Variants in COL18A1 observed in about 807,000 individuals in gnomAD.
COL18A1 encodes the protein collagen alpha-1(XVIII) chain.
COL18A1 carries 133 observed loss-of-function variants against 168.0 expected under a neutral mutation model. That is an observed-to-expected ratio of 0.79 (90% CI 0.69 to 0.91). The LOEUF (loss-of-function observed/expected upper bound fraction) is 0.91. Among genes scored for constraint, COL18A1 ranks in the 40% least tolerant of loss-of-function variants. COL18A1 has a pLI of 0.00. For synonymous variants in COL18A1, 949 were observed against 809.0 expected, an observed-to-expected ratio of 1.17 and a Z score of -2.94; for missense variants, 2,126 against 1,925.4, an observed-to-expected ratio of 1.10 and a Z score of -1.95.
chr21:45,456,832 G>A (rs1013761900), intron 2 of COL18A1: 51 of 1,515,848 alleles, frequency 3.4e-5, no homozygotes, highest in Non-Finnish European at 4.2e-5. Context: ...CCTGTGCCTC[G>A]CTCCCGACCC....
intron 2 of COL18A1, among the ~76,000 whole-genome samples, chr21:45,437,494 A>T (rs2034177622): frequency 1.5e-5 from 1 of 66,064 alleles, no homozygotes; most frequent in Admixed American, 1.6e-4. Flanking sequence ...ACTCACACTC[A>T]CACACAGGCA....
chr21:45,437,550 ACACACACACACAGACACAGG>A (rs1341364795), intron 2 of COL18A1, among the ~76,000 whole-genome samples: 6 of 81,006 alleles, frequency 7.4e-5, no homozygotes, highest in Admixed American at 2.2e-4. Context: ...TCTCCTGCAC[ACACACACACACAGACACAGG>A]CACTCTCCTG....
chr21:45,489,364 G>T, intron 18 of COL18A1, 122 bp from the exon 19 acceptor site: 1 of 796,316 alleles, frequency 1.3e-6, no homozygotes, highest in Admixed American at 2.0e-5. Flanking sequence ...CTCGGCTCTG[G>T]GCTGGGGGAG....
At chr21:45,507,055 C>T (rs367897880) in intron 37 of COL18A1, 7 of 326,652 alleles carry the variant, frequency 2.1e-5, no homozygotes, top group East Asian at 6.9e-5. Context: ...TCCTAGCAAA[C>T]GCGTGCTGGG....
At chr21:45,477,697 A>G (rs1386075288) in intron 7 of COL18A1, 53 bp from the exon 8 acceptor site, 30 of 1,450,818 alleles carry the variant, frequency 2.1e-5, no homozygotes, top group Non-Finnish European at 2.8e-5. Flanking sequence ...ACACGTGGGC[A>G]GGGTGTGTGG....
rs2033777213 is a variant in COL18A1 at position 45,425,685 on chromosome 21, T to G, written c.106+20212T>G. ...TCCTCAGGGGGAGGTTCGGGGCCTT[T>G]GGTCTCTGGACTTGGGCAGCAGAAA... On this transcript the variant is annotated intron_variant, in intron 2 of 41. Transcript: ENST00000651438. This position sits in a 1 kb window ranked among gnomAD's most constrained non-coding sequence, Gnocchi z 4.1. Among the ~76,000 whole-genome samples the G allele has an allele frequency of 6.6e-6, 1 of 152,152 alleles. No individual in the cohort carries two copies.
intron 32 of COL18A1, among the ~76,000 whole-genome samples, chr21:45,502,190 C>T (rs2146050329): frequency 6.6e-6 from 1 of 152,334 alleles, no homozygotes; most frequent in Middle Eastern, 3.4e-3. Context: ...CCAGGGACGG[C>T]TCCTGTGGGA....
At position 45,443,365 on chromosome 21, in the gene COL18A1, C is replaced by T. The variant is rs2034433292; in HGVS notation, c.107-24877C>T. On this transcript the variant is annotated intron_variant, in intron 2 of 41. Transcript: ENST00000651438. The surrounding 1 kb of genome is among the most constrained non-coding windows in gnomAD (Gnocchi z 5.2). ...ATGAGAAAACCCAGTTAAGGAGCAA[C>T]CTGGTAAACCCTTGAAAACCAAGTG... Among the ~76,000 whole-genome samples, 3 of 152,158 alleles carry T rather than the reference C, an allele frequency of 2.0e-5. No homozygotes were observed. The highest frequency in any genetic ancestry group is 1.9e-4 in the East Asian group (1 of 5,192).
intron 18 of COL18A1, 66 bp downstream of exon 18, chr21:45,488,510 TG>T: frequency 6.2e-7 from 1 of 1,611,272 alleles, no homozygotes. Flanking sequence ...ATCTTGGGGC[TG>T]GGGGAGACAG....
chr21:45,456,182 GCTT>G lies in COL18A1; in HGVS notation c.107-12057_107-12055del. 1 of 1,596,918 alleles carries G rather than the reference GCTT, an allele frequency of 6.3e-7. No homozygotes were observed. The highest frequency in any genetic ancestry group is 8.6e-7 in the Non-Finnish European group (1 of 1,168,996). ...AGTGCCACCACCATCTTCAGGTAGA[GCTT>G]CTCTCTCCTCCTTGCTGGGCGGGGC... On this transcript the variant is annotated intron_variant, in intron 2 of 41. Transcript: ENST00000651438.
In COL18A1 at chr21:45,437,153, CTCAG is replaced by C. The variant is rs1400391147; in HGVS notation, c.107-31088_107-31085del. ...CAGGCACTCTCCACACACACTCACACTCAGACACAGGCACTCTCCTGCACACACA... is the reference window on the plus strand; with the variant it reads ...CAGGCACTCTCCACACACACTCACACACACAGGCACTCTCCTGCACACACA... On this transcript the variant is annotated intron_variant, in intron 2 of 41. Coordinates refer to ENST00000651438, the MANE Select transcript of COL18A1 (RefSeq NM_001379500.1). 1.9e-4 allele frequency among the ~76,000 whole-genome samples: 20 copies of C among 107,206 alleles called. 1 individual carries two copies. Among genetic ancestry groups the C allele is most frequent in the East Asian group, 3.0e-4 (1 of 3,344 alleles). The allele number at this position is 107,206 out of a possible 152,430, so 70.3% of individuals were successfully genotyped here. A position where few individuals can be genotyped will look rare whatever the true frequency, so the allele number is the denominator to read the frequency against.
In COL18A1 at chr21:45,496,512, C is replaced by A; in HGVS notation, c.2521C>A (p.Pro841Thr). 6.8e-7 allele frequency: 1 copy of A among 1,475,124 alleles called. No homozygotes were observed. Among genetic ancestry groups the A allele is most frequent in the Non-Finnish European group, 9.5e-7 (1 of 1,053,964 alleles). The allele number at this position is 1,475,124 out of a possible 1,614,324, so 91.4% of individuals were successfully genotyped here. ...GCCCTCCCCACAGGGAATGCCCGGC[C>A]CCCCAGGACCTCCAGGGCCCCCAGG... ...LGFGMRGMPG[P>T]PGPPGPPGPP... Residue 841 changes from proline to threonine, a missense_variant, in exon 30 of 42, where the codon CCC becomes ACC. By Grantham distance (38) the Pro-to-Thr change is conservative (BLOSUM62 -1). Coordinates refer to ENST00000651438, the MANE Select transcript of COL18A1 (RefSeq NM_001379500.1).
chr21:45,512,121 C>A, intron 41 of COL18A1, 67 bp from the exon 42 acceptor site: 2 of 1,532,094 alleles, frequency 1.3e-6, no homozygotes, highest in Admixed American at 1.9e-5. Context: ...CTTTCCTGCC[C>A]GGGGAGCGGC....
intron 17 of COL18A1, among the ~76,000 whole-genome samples, chr21:45,488,051 C>T (rs1334204174): frequency 6.6e-6 from 1 of 152,194 alleles, no homozygotes; most frequent in African/African-American, 2.4e-5. Flanking sequence ...CTGTCCCCTC[C>T]ACACCACCAG....
In COL18A1 at chr21:45,460,945, G is replaced by A. The variant is rs573042791; in HGVS notation, c.107-7297G>A. On this transcript the variant is annotated intron_variant, in intron 2 of 41. Coordinates refer to ENST00000651438, the MANE Select transcript of COL18A1 (RefSeq NM_001379500.1). ...GAACTAAGCACAGACAGAATGAAAA[G>A]CACAGCACTCCAAACAGGGCTTCCT... 1.9e-3 allele frequency among the ~76,000 whole-genome samples: 284 copies of A among 152,290 alleles called. 2 individuals are homozygous for A. The highest frequency in any genetic ancestry group is 6.3e-3 in the African/African-American group (260 of 41,554).
chr21:45,468,103 C>A, intron 2 of COL18A1, 139 bp from the exon 3 acceptor site: 1 of 879,986 alleles, frequency 1.1e-6, no homozygotes, highest in Non-Finnish European at 1.7e-6. Context: ...GGGATCAGGG[C>A]AGGCTGCCAG....
intron 2 of COL18A1, among the ~76,000 whole-genome samples, chr21:45,453,490 C>T (rs2034701279): frequency 6.6e-6 from 1 of 152,232 alleles, no homozygotes; most frequent in Admixed American, 6.5e-5. Flanking sequence ...TTGCCAGGTG[C>T]TTCCTGGTGG....
In COL18A1 at chr21:45,494,833, C is replaced by A. The variant is rs763495553; in HGVS notation, c.2380-29C>A. 2.5e-6 allele frequency: 4 copies of A among 1,595,520 alleles called. No individual in the cohort carries two copies. In the South Asian group the frequency reaches 3.4e-5, roughly 13 times the overall value. ...CGTGGTCAAGGGCCAGGGTCTGCCC[C>A]ACTAAGCCTGGCCCCCTTCCTCTTG... On this transcript the variant is annotated intron_variant, in intron 27 of 41. Transcript: ENST00000651438.
At chr21:45,426,393 C>T (rs781111252) in intron 2 of COL18A1, among the ~76,000 whole-genome samples, 4 of 152,220 alleles carry the variant, frequency 2.6e-5, no homozygotes, top group Non-Finnish European at 5.9e-5. Context: ...GTGTGAGCCA[C>T]CGAGCCTGGC....
Sources: allele counts gnomAD v4.1 joint callset (sites outside exome capture counted in the v4.1 genomes callset), GRCh38; gene constraint gnomAD v4.1.1; non-coding constraint Gnocchi (gnomAD v3.1); transcripts MANE v1.5; gene names NCBI Gene and HGNC (gene_info 2026-07-23, HGNC 2026-07-21).